SLC38A4: variants seen among roughly 807,000 people sequenced by gnomAD.
The protein encoded by SLC38A4 is solute carrier family 38 member 4.
In SLC38A4, 20 loss-of-function variants were observed where a neutral mutation model predicts 63.1. The observed-to-expected ratio is 0.32, with a 90% CI of 0.22 to 0.46. SLC38A4 has a LOEUF of 0.46. Among genes scored for constraint, SLC38A4 ranks in the 20% least tolerant of loss-of-function variants. The pLI, the probability that SLC38A4 is intolerant of heterozygous loss-of-function variation, is 1.00. For synonymous variants in SLC38A4, 230 were observed against 225.5 expected (o/e 1.02, Z -0.18); for missense variants, 526 against 663.6 (o/e 0.79, Z 2.28).
chr12:46,766,651 G>A lies in SLC38A4; in HGVS notation c.*50C>T. 1 of 1,153,154 alleles carries A rather than the reference G, an allele frequency of 8.7e-7. No homozygotes were observed. The highest frequency in any genetic ancestry group is 1.3e-5 in the South Asian group (1 of 78,352). The allele number at this position is 1,153,154 out of a possible 1,614,324, so 71.4% of individuals were successfully genotyped here. The stretch of plus-strand genomic sequence containing the variant: ...CAAGATAATTCAAATATCTTTTGGA[G>A]TATAACTTGTAACCATTTCCAATAG... On this transcript the variant is annotated 3_prime_UTR_variant, in exon 17 of 17. Coordinates refer to ENST00000266579, the MANE Select transcript of SLC38A4 (RefSeq NM_018018.5).
intron 6 of SLC38A4, 71 bp from the exon 7 acceptor site, chr12:46,784,705 T>C: frequency 8.1e-7 from 1 of 1,231,308 alleles, no homozygotes; most frequent in African/African-American, 1.5e-5. Context: ...GTCATATAAT[T>C]CCATGCTGGA....
chr12:46,775,615 T>A (rs940007118), intron 13 of SLC38A4, among the ~76,000 whole-genome samples: 9 of 152,040 alleles, frequency 5.9e-5, no homozygotes, highest in South Asian at 2.1e-4. Context: ...GGATGAATGA[T>A]TGCTACCATT....
At chr12:46,777,197 T>G (rs1157585453) in intron 12 of SLC38A4, among the ~76,000 whole-genome samples, 193 bp from the exon 13 acceptor site, 1 of 152,034 alleles carries the variant, frequency 6.6e-6, no homozygotes, top group African/African-American at 2.4e-5. Flanking sequence ...TCTTAAACAC[T>G]AGTCCTTCAG....
At chr12:46,820,838 T>C (rs1939530451) in intron 1 of SLC38A4, among the ~76,000 whole-genome samples, 1 of 152,084 alleles carries the variant, frequency 6.6e-6, no homozygotes, top group African/African-American at 2.4e-5. Flanking sequence ...TGCTAACATT[T>C]GTTATCTTTT....
In SLC38A4 at chr12:46,806,058, T is replaced by C. The variant is rs141340642; in HGVS notation, c.-304-2264A>G. Among the ~76,000 whole-genome samples, 451 of 151,780 alleles carry C rather than the reference T, an allele frequency of 3.0e-3. 2 individuals are homozygous for C. The highest frequency in any genetic ancestry group is 0.011 in the African/African-American group (439 of 41,446). On this transcript the variant is annotated intron_variant, in intron 1 of 16. Transcript: ENST00000266579. The stretch of plus-strand genomic sequence containing the variant: ...AAGATTTCAGAGAGCCCACAGACCT[T>C]GAGCCGGCTATTAAAAGTCCATGTG...
chr12:46,807,117 G>A (rs1415979628), intron 1 of SLC38A4, among the ~76,000 whole-genome samples: 1 of 151,910 alleles, frequency 6.6e-6, no homozygotes. Context: ...AATAATATTT[G>A]AAAATAAAAT....
At chr12:46,808,739 G>A (rs1464529239) in intron 1 of SLC38A4, among the ~76,000 whole-genome samples, 2 of 151,984 alleles carry the variant, frequency 1.3e-5, no homozygotes, top group Non-Finnish European at 2.9e-5. Context: ...CTTAAATAAT[G>A]TACTGAAATT....
At chr12:46,787,384 G>A (rs138583651) in intron 5 of SLC38A4, among the ~76,000 whole-genome samples, 50 of 152,208 alleles carry the variant, frequency 3.3e-4, no homozygotes, top group African/African-American at 1.1e-3. Flanking sequence ...ATCAGGGCGC[G>A]CAGTATTCAG....
chr12:46,766,212 C>T lies in SLC38A4; in HGVS notation c.*489G>A, dbSNP rs1938295764. On this transcript the variant is annotated 3_prime_UTR_variant, in exon 17 of 17. Coordinates refer to ENST00000266579, the MANE Select transcript of SLC38A4 (RefSeq NM_018018.5). ...AACAGAAACAGTTCCTAAGACATGC[C>T]TTTTGCCTCTGTTAGTAAACAGACC... The T allele has an allele frequency of 5.6e-6, 2 of 359,032 alleles. No individual in the cohort carries two copies. The highest frequency in any genetic ancestry group is 2.1e-5 in the African/African-American group (1 of 46,910). The allele number at this position is 359,032 out of a possible 1,614,324, so 22.2% of individuals were successfully genotyped here.
intron 2 of SLC38A4, among the ~76,000 whole-genome samples, chr12:46,794,778 CA>C (rs1030190455): frequency 3.2e-4 from 49 of 151,398 alleles, no homozygotes; most frequent in Non-Finnish European, 6.2e-4. Context: ...TAGGGTGAGA[CA>C]AAACAGAAAG....
chr12:46,789,668 C>T (rs1938839937), intron 3 of SLC38A4, among the ~76,000 whole-genome samples: 2 of 151,834 alleles, frequency 1.3e-5, no homozygotes, highest in Admixed American at 6.6e-5. Flanking sequence ...ATAAAATGCT[C>T]GACTATGTAT....
rs1238502084 is a variant in SLC38A4, at chr12:46,768,366, C to T, written c.1486G>A (p.Val496Ile). ...TTCTTGACAAGTTTAAGATAAAAAA[C>T]TGCTGGAAGAATAAAAATCAGCATA... The part of the protein sequence containing the change: ...ATMLIFILPA[V>I]FYLKLVKKET... The change falls in exon 16 of 17, where the codon GTT becomes ATT. Residue 496 changes from valine to isoleucine, a missense_variant. Transcript: ENST00000266579. 6.2e-7 allele frequency: 1 copy of T among 1,611,436 alleles called. No homozygotes were observed. Among genetic ancestry groups the T allele is most frequent in the African/African-American group, 1.3e-5 (1 of 74,820 alleles).
At chr12:46,822,382 T>C (rs1052838572) in intron 1 of SLC38A4, among the ~76,000 whole-genome samples, 2 of 152,152 alleles carry the variant, frequency 1.3e-5, no homozygotes, top group African/African-American at 4.8e-5. Context: ...TAACTGGAGA[T>C]TCTGTCTTCC....
chr12:46,805,240 AT>A (rs1367623693), intron 1 of SLC38A4, among the ~76,000 whole-genome samples: 12 of 152,048 alleles, frequency 7.9e-5, no homozygotes, highest in African/African-American at 2.9e-4. Context: ...TTGGATAAAA[AT>A]TAAAAGCACA....
At chr12:46,809,356 A>G (rs776852573) in intron 1 of SLC38A4, among the ~76,000 whole-genome samples, 3 of 152,114 alleles carry the variant, frequency 2.0e-5, no homozygotes, top group Non-Finnish European at 4.4e-5. Context: ...ATCTGAGCAG[A>G]GAGAGAGAAA....
At chr12:46,809,275 C>A (rs1592192952) in intron 1 of SLC38A4, among the ~76,000 whole-genome samples, 2 of 152,102 alleles carry the variant, frequency 1.3e-5, no homozygotes, top group East Asian at 3.9e-4. Flanking sequence ...TTCAGGCTGG[C>A]CTTTTTACTA....
chr12:46,788,454 G>A, intron 4 of SLC38A4, 74 bp downstream of exon 4: 1 of 1,215,394 alleles, frequency 8.2e-7, no homozygotes. Flanking sequence ...CAGTCACATT[G>A]TTTTCCCACA....
chr12:46,792,231 ATGG>A (rs1938905152), intron 3 of SLC38A4, among the ~76,000 whole-genome samples: 1 of 152,066 alleles, frequency 6.6e-6, no homozygotes, highest in South Asian at 2.1e-4. Context: ...CCACAGTAGA[ATGG>A]GTACAGAAAA....
intron 12 of SLC38A4, 117 bp from the exon 13 acceptor site, chr12:46,777,121 T>C (rs550444059): frequency 5.8e-5 from 47 of 815,648 alleles, no homozygotes; most frequent in Non-Finnish European, 3.8e-5. Context: ...AAGACATATT[T>C]AGTACATAAA....
Sources: allele counts gnomAD v4.1 joint callset (sites outside exome capture counted in the v4.1 genomes callset), GRCh38; gene constraint gnomAD v4.1.1; transcripts MANE v1.5; gene names NCBI Gene and HGNC (gene_info 2026-07-23, HGNC 2026-07-21).